Variants in CHODL observed in about 807,000 individuals in gnomAD.
CHODL encodes the protein chondrolectin.
In CHODL, 29 loss-of-function variants were observed where a neutral mutation model predicts 34.5. The ratio of observed to expected loss-of-function variants is 0.84; its 90% confidence interval spans 0.63 to 1.15. CHODL has a LOEUF of 1.15. Among genes scored for constraint, CHODL ranks in the 50% most tolerant of loss-of-function variants. CHODL has a pLI of 0.00. For synonymous variants in CHODL, 125 were observed against 116.1 expected, an observed-to-expected ratio of 1.08 and a Z score of -0.49; for missense variants, 332 against 332.5, an observed-to-expected ratio of 1.00 and a Z score of 0.01.
At chr21:18,128,595 G>T (rs944813925) in intron 2 of CHODL, among the ~76,000 whole-genome samples, 1 of 152,056 alleles carries the variant, frequency 6.6e-6, no homozygotes, top group African/African-American at 2.4e-5. Context: ...TTGGAAAGTG[G>T]ATGGTGTATG....
intron 2 of CHODL, among the ~76,000 whole-genome samples, chr21:18,176,981 G>T (rs562782751): frequency 6.6e-6 from 1 of 152,026 alleles, no homozygotes; most frequent in African/African-American, 2.4e-5. Context: ...GGTTGTTGGG[G>T]TAAGGGATTA....
intron 2 of CHODL, among the ~76,000 whole-genome samples, chr21:18,052,266 A>C (rs2064525247): frequency 6.6e-6 from 1 of 151,922 alleles, no homozygotes; most frequent in Admixed American, 6.6e-5. Flanking sequence ...TTAATTTTAT[A>C]GGGTGCTATG....
intron 1 of CHODL, among the ~76,000 whole-genome samples, chr21:17,948,183 AATTACCT>A (rs2063427484): frequency 6.6e-6 from 1 of 152,086 alleles, no homozygotes; most frequent in South Asian, 2.1e-4. Flanking sequence ...AGAACTGAGA[AATTACCT>A]ATTCTGTACA....
At position 18,245,105 on chromosome 21, in the gene CHODL, G is replaced by T; in HGVS notation, c.-119G>T. 1.2e-6 allele frequency: 1 copy of T among 848,784 alleles called. No individual in the cohort carries two copies. The highest frequency in any genetic ancestry group is 1.8e-5 in the African/African-American group (1 of 55,686). 52.6% of individuals were successfully genotyped at this position (848,784 alleles called of 1,614,324 possible). ...CAGGGGGTCGGGCAGCTGGGCTCGG[G>T]CGGCGGGAGTAGGGCCCGGCAGGGA... On this transcript the variant is annotated 5_prime_UTR_variant, in exon 1 of 6. Transcript: ENST00000299295.
chr21:18,230,217 G>GCC (rs914852575), intron 2 of CHODL, among the ~76,000 whole-genome samples: 5 of 152,064 alleles, frequency 3.3e-5, no homozygotes, highest in African/African-American at 1.2e-4. Flanking sequence ...CATGAAGTTT[G>GCC]CTTTGCTAAA....
At chr21:18,151,868 T>G (rs1306845120) in intron 2 of CHODL, among the ~76,000 whole-genome samples, 1 of 152,188 alleles carries the variant, frequency 6.6e-6, no homozygotes, top group Non-Finnish European at 1.5e-5. Flanking sequence ...TTGAGGTTTT[T>G]TCTTCAGCTC....
chr21:17,952,797 T>A (rs945804746), intron 1 of CHODL, among the ~76,000 whole-genome samples: 2 of 152,192 alleles, frequency 1.3e-5, no homozygotes, highest in Admixed American at 1.3e-4. Flanking sequence ...CTGGATAATT[T>A]ATGAAGAAAA....
intron 2 of CHODL, among the ~76,000 whole-genome samples, chr21:18,206,199 G>A (rs1039687564): frequency 9.9e-5 from 15 of 152,162 alleles, no homozygotes; most frequent in African/African-American, 3.6e-4. Context: ...TTGACTTTCT[G>A]TCTGGATGAC....
At chr21:17,966,549 A>G (rs1219085696) in intron 1 of CHODL, among the ~76,000 whole-genome samples, 1 of 152,180 alleles carries the variant, frequency 6.6e-6, no homozygotes. Context: ...CTACAGGGAA[A>G]CACACTAAAA....
chr21:18,011,217 G>C (rs2064016411), intron 1 of CHODL, among the ~76,000 whole-genome samples: 1 of 152,130 alleles, frequency 6.6e-6, no homozygotes, highest in Non-Finnish European at 1.5e-5. Flanking sequence ...TATTAATAAA[G>C]TGTTAAATAT....
intron 2 of CHODL, among the ~76,000 whole-genome samples, chr21:18,071,312 A>G (rs1335205358): frequency 6.6e-6 from 1 of 151,716 alleles, no homozygotes; most frequent in African/African-American, 2.4e-5. Context: ...ACACCTGGCT[A>G]ATTTTTGTAT....
intron 2 of CHODL, among the ~76,000 whole-genome samples, chr21:18,139,119 G>A (rs2072771872): frequency 6.6e-6 from 1 of 152,034 alleles, no homozygotes; most frequent in African/African-American, 2.4e-5. Context: ...GTGTATATAT[G>A]TATGTTTATA....
chr21:18,205,283 T>C (rs1007114259), intron 2 of CHODL, among the ~76,000 whole-genome samples: 1 of 152,204 alleles, frequency 6.6e-6, no homozygotes, highest in Non-Finnish European at 1.5e-5. Flanking sequence ...TTTTTCAGTT[T>C]TTATCATGAA....
At chr21:18,070,196 A>G (rs899740790) in intron 2 of CHODL, among the ~76,000 whole-genome samples, 1 of 151,898 alleles carries the variant, frequency 6.6e-6, no homozygotes, top group African/African-American at 2.4e-5. Context: ...TCATGTAACC[A>G]AACACCACCT....
At chr21:18,232,897 A>G (rs1015096276) in intron 2 of CHODL, among the ~76,000 whole-genome samples, 11 of 147,518 alleles carry the variant, frequency 7.5e-5, no homozygotes, top group African/African-American at 2.8e-4. Flanking sequence ...TGGGGTCCAT[A>G]TAATTATAAT....
chr21:18,084,980 T>C (rs1182649939), intron 2 of CHODL, among the ~76,000 whole-genome samples: 2 of 151,166 alleles, frequency 1.3e-5, no homozygotes, highest in East Asian at 3.9e-4. Context: ...TGCTCCAATG[T>C]TGGGTGCATG....
At chr21:18,044,391 A>G (rs1429036840) in intron 2 of CHODL, among the ~76,000 whole-genome samples, 1 of 152,038 alleles carries the variant, frequency 6.6e-6, no homozygotes, top group Admixed American at 6.6e-5. Flanking sequence ...TAAATAGTGA[A>G]TAAAAAACAC....
At chr21:18,026,858 CTT>C (rs1470675231) in intron 1 of CHODL, among the ~76,000 whole-genome samples, 6 of 152,120 alleles carry the variant, frequency 3.9e-5, no homozygotes. Context: ...TAAACACAAT[CTT>C]TACTTTTTTT....
chr21:17,924,409 C>A lies in CHODL; in HGVS notation c.-145+7009C>A, dbSNP rs192956186. On this transcript the variant is annotated intron_variant, in intron 1 of 6. Transcript: ENST00000400127. ...CTCCAAAAACCCTTTATTGGAGAAT[C>A]AGCCTTGGAGACCGGAGAGAAATGA... Among the ~76,000 whole-genome samples the A allele has an allele frequency of 2.5e-4, 38 of 152,300 alleles. No homozygotes were observed. In the East Asian group the frequency reaches 4.8e-3, roughly 19 times the overall value.
Sources: gnomAD v4.1 joint callset for allele counts (sites outside exome capture counted in the v4.1 genomes callset) on GRCh38, gnomAD v4.1.1 for gene constraint, MANE v1.5 for transcripts, NCBI Gene and HGNC (gene_info 2026-07-23, HGNC 2026-07-21) for gene names.